The following OR4K1 variants were observed in gnomAD, a reference collection of about 807,000 sequenced individuals.
OR4K1 encodes the protein olfactory receptor 4K1.
OR4K1 carries 16 observed loss-of-function variants against 14.4 expected under a neutral mutation model. The observed-to-expected ratio is 1.11, with a 90% CI of 0.75 to 1.68. OR4K1 has a LOEUF of 1.68. Ranked by LOEUF, OR4K1 falls within the 40% of genes most tolerant of loss-of-function variation. The pLI, the probability that OR4K1 is intolerant of heterozygous loss-of-function variation, is 0.00. For synonymous variants in OR4K1, 181 were observed against 133.1 expected (o/e 1.36, Z -2.48); for missense variants, 548 against 376.9 (o/e 1.45, Z -3.76).
upstream of OR4K1, among the ~76,000 whole-genome samples, chr14:19,926,327 T>C (rs1315338181): frequency 2.0e-5 from 3 of 152,252 alleles, no homozygotes; most frequent in East Asian, 5.8e-4. Flanking sequence ...TTTCAAACTC[T>C]TTTACTCTCT....
chr14:19,932,176 T>C (rs1273133418), intron 1 of OR4K1, among the ~76,000 whole-genome samples: 1 of 152,248 alleles, frequency 6.6e-6, no homozygotes, highest in Non-Finnish European at 1.5e-5. Context: ...TGAAAAGATA[T>C]AATTTGTGGG....
At position 19,935,823 on chromosome 14, in the gene OR4K1, T is replaced by C; in HGVS notation, c.157T>C (p.Ser53Pro). Residue 53 changes from serine to proline, a missense_variant, in exon 2 of 2, where the codon TCC (serine) becomes CCC (proline). By Grantham distance (74) the Ser-to-Pro change is moderately conservative. Transcript: ENST00000641172. ...VLIIVIISFD[S>P]HLNSPMYFLL... ...AATTATTGTCATTATTTCTTTTGACTCCCATTTGAACTCTCCTATGTACTT... is the reference window on the plus strand; with the variant it reads ...AATTATTGTCATTATTTCTTTTGACCCCCATTTGAACTCTCCTATGTACTT... 2 of 1,614,240 alleles carry C rather than the reference T, an allele frequency of 1.2e-6. No individual in the cohort carries two copies. Among genetic ancestry groups the C allele is most frequent in the Non-Finnish European group, 8.5e-7 (1 of 1,180,038 alleles).
In OR4K1 at chr14:19,936,645, C is replaced by T. The variant is rs201473467; in HGVS notation, c.*43C>T. ...CATAATCCTGAATTAGAATGAAGAC[C>T]CTCCAGTGTATCATAGTGTCATGCC... On this transcript the variant is annotated 3_prime_UTR_variant, in exon 2 of 2. Transcript: ENST00000641172. 9.9e-6 allele frequency: 15 copies of T among 1,510,294 alleles called. No individual in the cohort carries two copies. In the East Asian group the frequency reaches 3.4e-4, roughly 34 times the overall value. 93.6% of individuals were successfully genotyped at this position (1,510,294 alleles called of 1,614,324 possible).
chr14:19,933,145 C>A (rs1315410873), intron 1 of OR4K1, among the ~76,000 whole-genome samples: 1 of 151,528 alleles, frequency 6.6e-6, no homozygotes, highest in Admixed American at 6.6e-5. Context: ...TATAATGGTT[C>A]ATTATTATTA....
rs1882330494 is a variant in OR4K1 at position 19,936,527 on chromosome 14, C to T, written c.861C>T (p.Tyr287=). 1 of 1,613,110 alleles carries T rather than the reference C, an allele frequency of 6.2e-7. No homozygotes were observed. The highest frequency in any genetic ancestry group is 2.2e-5 in the East Asian group (1 of 44,884). Residue 287 remains tyrosine, a synonymous_variant, in exon 2 of 2, where the codon TAC becomes TAT. Coordinates refer to ENST00000641172, the MANE Select transcript of OR4K1 (RefSeq NM_001004063.3). ...VCTPLLNPII[Y]SLRNEDVKAA... ...CTCCCTTGTTGAACCCCATCATCTA[C>T]TCTCTGAGGAATGAAGATGTTAAAG...
chr14:19,922,102 T>C, the OR4K1 span, among the ~76,000 whole-genome samples: 1 of 150,154 alleles, frequency 6.7e-6, no homozygotes, highest in Admixed American at 6.7e-5. Flanking sequence ...GCCTATCCCA[T>C]ACGGTTTTCA....
At chr14:19,920,889 A>G in the OR4K1 span, 1 of 1,614,208 alleles carries the variant, frequency 6.2e-7, no homozygotes. Context: ...CATATCTTTC[A>G]GTGGCTGCAT....
Position 19,936,633 on chromosome 14 carries a change from T to C in OR4K1, c.*31T>C, listed in dbSNP as rs767075273. 21 of 1,543,430 alleles carry C rather than the reference T, an allele frequency of 1.4e-5. No homozygotes were observed. The highest frequency in any genetic ancestry group is 2.5e-5 in the South Asian group (2 of 81,270). ...ATTACGAAGGAGCATAATCCTGAAT[T>C]AGAATGAAGACCCTCCAGTGTATCA... is the stretch of plus-strand genomic sequence containing the variant. On this transcript the variant is annotated 3_prime_UTR_variant, in exon 2 of 2. Coordinates refer to ENST00000641172, the MANE Select transcript of OR4K1 (RefSeq NM_001004063.3).
At chr14:19,921,837 G>T in the OR4K1 span, among the ~76,000 whole-genome samples, 3 of 152,094 alleles carry the variant, frequency 2.0e-5, no homozygotes, top group South Asian at 4.1e-4. Flanking sequence ...CTTTTGTTAC[G>T]GGGTAAATGT....
intron 1 of OR4K1, among the ~76,000 whole-genome samples, chr14:19,933,794 C>T (rs1882240398): frequency 1.3e-5 from 2 of 152,258 alleles, no homozygotes; most frequent in African/African-American, 2.4e-5. Flanking sequence ...ACCATGATTG[C>T]CAGGCAGGTC....
the OR4K1 span, among the ~76,000 whole-genome samples, chr14:19,924,850 T>C: frequency 6.6e-6 from 1 of 152,244 alleles, no homozygotes; most frequent in Non-Finnish European, 1.5e-5. Flanking sequence ...TCTAATTTAA[T>C]TAATTCTTAT....
Position 19,935,873 on chromosome 14 carries a change from T to G in OR4K1, c.207T>G (p.Ile69Met), listed in dbSNP as rs1266359141. 1.2e-6 allele frequency: 2 copies of G among 1,614,160 alleles called. No individual in the cohort carries two copies. Among genetic ancestry groups the G allele is most frequent in the Non-Finnish European group, 1.7e-6 (2 of 1,180,052 alleles). ...TCTTGCTCAGTAATCTTTCTTTCAT[T>G]GATATCTGTCAGTCTAACTTTGCCA... ...MYFLLSNLSF[I>M]DICQSNFATP... The change falls in exon 2 of 2, where the codon ATT (isoleucine) becomes ATG (methionine). Residue 69 changes from isoleucine to methionine, a missense_variant. Coordinates refer to ENST00000641172, the MANE Select transcript of OR4K1 (RefSeq NM_001004063.3).
the OR4K1 span, among the ~76,000 whole-genome samples, chr14:19,924,905 G>T: frequency 1.3e-5 from 2 of 152,106 alleles, no homozygotes; most frequent in Non-Finnish European, 2.9e-5. Flanking sequence ...TTTCGGTTAG[G>T]ATTGTGATAT....
chr14:19,925,585 C>T, the OR4K1 span, among the ~76,000 whole-genome samples: 9 of 152,360 alleles, frequency 5.9e-5, no homozygotes, highest in Admixed American at 5.9e-4. Flanking sequence ...CCAGGGCAGA[C>T]TTTTATTTGT....
At chr14:19,930,563 G>A (rs917717013), upstream of OR4K1, among the ~76,000 whole-genome samples, 4 of 152,326 alleles carry the variant, frequency 2.6e-5, no homozygotes, top group East Asian at 7.7e-4. Context: ...CTTGTGATTG[G>A]AGGAAACACC....
chr14:19,921,879 A>C, the OR4K1 span, among the ~76,000 whole-genome samples: 2 of 152,226 alleles, frequency 1.3e-5, no homozygotes, highest in Non-Finnish European at 2.9e-5. Flanking sequence ...TGAGAACCTA[A>C]TTCTCTGGTG....
At position 19,936,670 on chromosome 14, in the gene OR4K1, C is replaced by A; in HGVS notation, c.*68C>A. 7.1e-7 allele frequency: 1 copy of A among 1,406,062 alleles called. No individual in the cohort carries two copies. Among genetic ancestry groups the A allele is most frequent in the Non-Finnish European group, 9.6e-7 (1 of 1,042,858 alleles). The allele number at this position is 1,406,062 out of a possible 1,614,324, so 87.1% of individuals were successfully genotyped here. Reference sequence around the variant, plus strand: ...CCTCCAGTGTATCATAGTGTCATGCCAACCATCTTTGCCAGACATATGGGT... The same window carrying A: ...CCTCCAGTGTATCATAGTGTCATGCAAACCATCTTTGCCAGACATATGGGT... On this transcript the variant is annotated 3_prime_UTR_variant, in exon 2 of 2. Transcript: ENST00000641172.
chr14:19,920,983 T>C, the OR4K1 span: 2 of 1,614,216 alleles, frequency 1.2e-6, no homozygotes, highest in Non-Finnish European at 1.7e-6. Flanking sequence ...TATGTAGCCA[T>C]ATGCAAACCC....
At chr14:19,922,859 T>C in the OR4K1 span, among the ~76,000 whole-genome samples, 1 of 152,218 alleles carries the variant, frequency 6.6e-6, no homozygotes, top group Non-Finnish European at 1.5e-5. Flanking sequence ...TTCAAGAGTG[T>C]TGTAAAATTT....
Sources: gnomAD v4.1 joint callset for allele counts (sites outside exome capture counted in the v4.1 genomes callset) on GRCh38, gnomAD v4.1.1 for gene constraint, MANE v1.5 for transcripts, NCBI Gene and HGNC (gene_info 2026-07-23, HGNC 2026-07-21) for gene names.